LMNB2: variants seen among roughly 807,000 people sequenced by gnomAD.
LMNB2 encodes the protein lamin B2.
Under a neutral mutation model 69.3 loss-of-function variants are expected in LMNB2, and 17 were observed. The ratio of observed to expected loss-of-function variants is 0.25; its 90% CI spans 0.17 to 0.37. The LOEUF (loss-of-function observed/expected upper bound fraction) is 0.37. Among genes scored for constraint, LMNB2 ranks in the 10% least tolerant of loss-of-function variants. The pLI is 1.00. For synonymous variants in LMNB2, 397 were observed against 389.3 expected (o/e 1.02, Z -0.23); for missense variants, 789 against 883.6 (o/e 0.89, Z 1.36).
chr19:2,454,475 A>C (rs1302212090), intron 1 of LMNB2, among the ~76,000 whole-genome samples: 1 of 152,016 alleles, frequency 6.6e-6, no homozygotes, highest in East Asian at 1.9e-4. Flanking sequence ...CACACAAGTA[A>C]GAGGTGGGTA....
intron 9 of LMNB2, 85 bp from the exon 10 acceptor site, chr19:2,431,987 C>T: frequency 6.7e-7 from 1 of 1,499,432 alleles, no homozygotes; most frequent in Non-Finnish European, 9.0e-7. Flanking sequence ...CCACAAAGCC[C>T]CCTTCAATGC....
At chr19:2,432,988 T>C (rs1971764237) in intron 8 of LMNB2, among the ~76,000 whole-genome samples, 1 of 94,862 alleles carries the variant, frequency 1.1e-5, no homozygotes, top group African/African-American at 4.8e-5. Context: ...CCGGTCACCT[T>C]GTCCCCTGCC....
chr19:2,455,039 G>A (rs1972072016), intron 1 of LMNB2, among the ~76,000 whole-genome samples: 2 of 151,902 alleles, frequency 1.3e-5, no homozygotes, highest in Non-Finnish European at 1.5e-5. Flanking sequence ...GGCAGAACCT[G>A]CCAGACCACC....
chr19:2,436,411 CA>C (rs1971821762), intron 4 of LMNB2, among the ~76,000 whole-genome samples: 1 of 152,140 alleles, frequency 6.6e-6, no homozygotes, highest in Non-Finnish European at 1.5e-5. Context: ...CAAAACAAAA[CA>C]AAAACAGTAG....
At chr19:2,436,467 G>A (rs1045926333) in intron 4 of LMNB2, among the ~76,000 whole-genome samples, 23 of 152,116 alleles carry the variant, frequency 1.5e-4, no homozygotes, top group Admixed American at 9.8e-4. Flanking sequence ...TCAGCAAGGC[G>A]GGTAGCCCAG....
intron 4 of LMNB2, among the ~76,000 whole-genome samples, chr19:2,437,558 T>C (rs902233767): frequency 2.6e-5 from 4 of 152,146 alleles, no homozygotes; most frequent in African/African-American, 7.2e-5. Context: ...CCCAGCAGTT[T>C]GGGAGGCCGA....
chr19:2,444,113 G>C (rs575163216), intron 2 of LMNB2, among the ~76,000 whole-genome samples: 1 of 152,202 alleles, frequency 6.6e-6, no homozygotes, highest in Non-Finnish European at 1.5e-5. Context: ...GCACACTAAG[G>C]AGACAGGCCA....
At chr19:2,430,995 G>A (rs745436145) in intron 11 of LMNB2, 43 bp from the exon 12 acceptor site, 2 of 1,432,636 alleles carry the variant, frequency 1.4e-6, no homozygotes, top group East Asian at 4.5e-5. Context: ...ATCAGGGCCA[G>A]CCTGGAGGCA....
chr19:2,454,528 G>C lies in LMNB2; in HGVS notation c.264+2142C>G, dbSNP rs180875844. 1.4e-3 allele frequency among the ~76,000 whole-genome samples: 210 copies of C among 152,228 alleles called. 1 individual carries two copies. Among genetic ancestry groups the C allele is most frequent in the African/African-American group, 5.0e-3 (207 of 41,530 alleles). The stretch of plus-strand genomic sequence containing the variant: ...CCAAAGGCGAGGGCACTGAGACCCA[G>C]AGAGGGTAAGCGACTAGCCCAAGGT... On this transcript the variant is annotated intron_variant, in intron 1 of 11. Coordinates refer to ENST00000325327, the MANE Select transcript of LMNB2 (RefSeq NM_032737.4).
At position 2,444,524 on chromosome 19, in the gene LMNB2, G is replaced by C. The variant is rs778299381; in HGVS notation, c.281C>G (p.Ala94Gly). 1 of 1,611,006 alleles carries C rather than the reference G, an allele frequency of 6.2e-7. No homozygotes were observed. The highest frequency in any genetic ancestry group is 1.7e-5 in the Admixed American group (1 of 60,012). Residue 94 changes from alanine to glycine, a missense_variant, in exon 2 of 12, where the codon GCG becomes GGG. By Grantham distance (60) the Ala-to-Gly change is moderately conservative. Coordinates refer to ENST00000325327, the MANE Select transcript of LMNB2 (RefSeq NM_032737.4). ...ATCGGCCAGCTCCGACTCGTACAGC[G>C]CCTTGATGCCACTCACCTGGGGAGA... ...VTTREVSGIK[A>G]LYESELADAR... is the part of the protein sequence containing the mutation.
intron 2 of LMNB2, among the ~76,000 whole-genome samples, chr19:2,444,157 C>A (rs938985975): frequency 2.0e-5 from 3 of 152,178 alleles, no homozygotes; most frequent in East Asian, 1.9e-4. Context: ...GGGAGGCTCG[C>A]GGGAGATTTT....
chr19:2,434,401 C>A lies in LMNB2; in HGVS notation c.1096G>T (p.Val366Leu). 1 of 1,613,460 alleles carries A rather than the reference C, an allele frequency of 6.2e-7. No individual in the cohort carries two copies. The highest frequency in any genetic ancestry group is 8.5e-7 in the Non-Finnish European group (1 of 1,180,006). The change falls in exon 7 of 12, where the codon GTG (valine) becomes TTG (leucine). Residue 366 changes from valine (V) to leucine (L), a missense_variant. Coordinates refer to ENST00000325327, the MANE Select transcript of LMNB2 (RefSeq NM_032737.4). The part of the protein sequence containing the change: ...KEQEMTEMRD[V>L]MQQQLAEYQE... ...TACTCGGCCAGCTGCTGCTGCATCA[C>A]GTCCCGCATCTCCGTCATCTCCTGC...
Position 2,428,817 on chromosome 19 carries a change from T to C in LMNB2, c.*2094A>G, listed in dbSNP as rs1199787401. 1 of 152,248 alleles carries C rather than the reference T, an allele frequency of 6.6e-6. No individual in the cohort carries two copies. The highest frequency in any genetic ancestry group is 1.9e-4 in the East Asian group (1 of 5,204). The allele number at this position is 152,248 out of a possible 1,614,324, so 9.4% of individuals were successfully genotyped here. On this transcript the variant is annotated 3_prime_UTR_variant, in exon 12 of 12. Coordinates refer to ENST00000325327, the MANE Select transcript of LMNB2 (RefSeq NM_032737.4). ...TTTCTTAGTGTTTCCAAAGACTCAA[T>C]TCTCAATGAACCTCCAATTACCCAC...
At chr19:2,455,160 G>T (rs1972073512) in intron 1 of LMNB2, among the ~76,000 whole-genome samples, 1 of 151,972 alleles carries the variant, frequency 6.6e-6, no homozygotes, top group African/African-American at 2.4e-5. Context: ...GAGATGAGGG[G>T]CCTAATTCCC....
At position 2,430,023 on chromosome 19, in the gene LMNB2, G is replaced by A. The variant is rs946954631; in HGVS notation, c.*888C>T. 6.6e-6 allele frequency: 1 copy of A among 152,496 alleles called. No homozygotes were observed. Among genetic ancestry groups the A allele is most frequent in the East Asian group, 1.9e-4 (1 of 5,194 alleles). 9.4% of individuals were successfully genotyped at this position (152,496 alleles called of 1,614,324 possible). On this transcript the variant is annotated 3_prime_UTR_variant, in exon 12 of 12. Coordinates refer to ENST00000325327, the MANE Select transcript of LMNB2 (RefSeq NM_032737.4). ...CACAGGGCAGACGGAGCTGGAACAC[G>A]GGAGGGGCTCCACAGCGCTCTCCTC... is the stretch of plus-strand genomic sequence containing the variant.
Position 2,436,381 on chromosome 19 carries a change from A to AAAAACAAAAC in LMNB2, c.685-1220_685-1211dup, listed in dbSNP as rs370520046. ...GGGCAACAGAGCAAGACTCCATCTC[A>AAAAACAAAAC]AAAACAAAACAAAACAAAACAAAAC... On this transcript the variant is annotated intron_variant, in intron 4 of 11. Transcript: ENST00000325327. Among the ~76,000 whole-genome samples, 972 of 151,676 alleles carry AAAAACAAAAC rather than the reference A, an allele frequency of 6.4e-3. 9 individuals are homozygous for AAAAACAAAAC. The highest frequency in any genetic ancestry group is 0.019 in the African/African-American group (795 of 41,288).
chr19:2,429,185 T>C lies in LMNB2; in HGVS notation c.*1726A>G, dbSNP rs1272549982. 6.6e-6 allele frequency: 1 copy of C among 152,248 alleles called. No individual in the cohort carries two copies. Among genetic ancestry groups the C allele is most frequent in the Non-Finnish European group, 1.5e-5 (1 of 68,078 alleles). The allele number at this position is 152,248 out of a possible 1,614,324, so 9.4% of individuals were successfully genotyped here. On this transcript the variant is annotated 3_prime_UTR_variant, in exon 12 of 12. Transcript: ENST00000325327. ...CAAGACCCACCCCCAGAACCCTCGC[T>C]AGCACGAAGCCCAGCCAGTCGGGTC...
At chr19:2,449,203 C>G (rs141606396) in intron 1 of LMNB2, among the ~76,000 whole-genome samples, 287 of 152,294 alleles carry the variant, frequency 1.9e-3, no homozygotes, top group African/African-American at 6.4e-3. Flanking sequence ...AGCCCTTTCT[C>G]GTGTTTAAAT....
At chr19:2,448,984 G>A (rs2145468923) in intron 1 of LMNB2, among the ~76,000 whole-genome samples, 1 of 152,296 alleles carries the variant, frequency 6.6e-6, no homozygotes, top group East Asian at 1.9e-4. Flanking sequence ...CAAACTCTGG[G>A]CTCAAGCAAT....
Sources: allele counts gnomAD v4.1 joint callset (sites outside exome capture counted in the v4.1 genomes callset), GRCh38; gene constraint gnomAD v4.1.1; transcripts MANE v1.5; gene names NCBI Gene and HGNC (gene_info 2026-07-23, HGNC 2026-07-21).